The following SLC3A1 variants were observed in gnomAD, a reference collection of about 807,000 sequenced individuals.
SLC3A1 encodes solute carrier family 3 member 1, also known as amino acid transporter heavy chain SLC3A1.
Under a neutral mutation model 60.3 loss-of-function variants are expected in SLC3A1, and 78 were observed. That is an observed-to-expected ratio of 1.29 (90% CI 1.08 to 1.56). SLC3A1 has a LOEUF of 1.56. SLC3A1 is among the 40% of genes most tolerant of loss of function. The probability of loss-of-function intolerance (pLI) is 0.00; values close to 1 mark genes in which losing one functional copy is unlikely to be tolerated. For synonymous variants in SLC3A1, 392 were observed against 307.9 expected (o/e 1.27, Z -2.86); for missense variants, 1,172 against 858.9 (o/e 1.36, Z -4.56).
At chr2:44,316,847 C>G (rs1291507509) in intron 9 of SLC3A1, among the ~76,000 whole-genome samples, 5 of 152,146 alleles carry the variant, frequency 3.3e-5, no homozygotes, top group African/African-American at 1.2e-4. Context: ...TGTGTGGCCA[C>G]TTTCTGAAAG....
At chr2:44,297,389 G>C (rs565282223) in intron 4 of SLC3A1, among the ~76,000 whole-genome samples, 22 of 152,240 alleles carry the variant, frequency 1.4e-4, no homozygotes, top group African/African-American at 5.3e-4. Flanking sequence ...GTACAGGCCA[G>C]CCTCTGCCTC....
intron 6 of SLC3A1, among the ~76,000 whole-genome samples, chr2:44,302,018 G>A (rs1033408804): frequency 1.3e-5 from 2 of 152,186 alleles, no homozygotes; most frequent in African/African-American, 2.4e-5. Flanking sequence ...TCATGCCACT[G>A]TGCTCCAGTC....
intron 4 of SLC3A1, among the ~76,000 whole-genome samples, chr2:44,295,850 C>T (rs963334447): frequency 6.6e-6 from 1 of 152,206 alleles, no homozygotes; most frequent in African/African-American, 2.4e-5. Flanking sequence ...TTCAGTTATT[C>T]GTGCTCTGCC....
chr2:44,304,114 A>G, intron 6 of SLC3A1, 29 bp from the exon 7 acceptor site: 6 of 1,593,888 alleles, frequency 3.8e-6, no homozygotes, highest in Non-Finnish European at 5.2e-6. Flanking sequence ...ACAGGCCCCG[A>G]TGACACTGAA....
chr2:44,288,447 T>G (rs1185808661), intron 4 of SLC3A1, among the ~76,000 whole-genome samples: 2 of 151,874 alleles, frequency 1.3e-5, no homozygotes, highest in African/African-American at 4.8e-5. Flanking sequence ...TTTCTATCTT[T>G]TTACCCACCT....
chr2:44,311,452 A>G (rs1211733471), intron 7 of SLC3A1, among the ~76,000 whole-genome samples: 4 of 152,122 alleles, frequency 2.6e-5, no homozygotes, highest in East Asian at 3.9e-4. Flanking sequence ...ACTGTTTTGT[A>G]TATTTGTTGT....
At chr2:44,299,906 T>G (rs1671958867) in intron 4 of SLC3A1, 65 bp from the exon 5 acceptor site, 1 of 1,568,980 alleles carries the variant, frequency 6.4e-7, no homozygotes, top group Non-Finnish European at 8.8e-7. Context: ...CAGTCAAAAC[T>G]TTGATTAAAC....
chr2:44,295,443 G>C lies in SLC3A1; in HGVS notation c.892-4528G>C, dbSNP rs534283292. ...TGAGAGACCTTCATGGGAGTAAAGAGGGTTAACAATTAAAATCTGAAGCTC... is the reference window on the plus strand; with the variant it reads ...TGAGAGACCTTCATGGGAGTAAAGACGGTTAACAATTAAAATCTGAAGCTC... On this transcript the variant is annotated intron_variant, in intron 4 of 9. Coordinates refer to ENST00000260649, the MANE Select transcript of SLC3A1 (RefSeq NM_000341.4). Among the ~76,000 whole-genome samples the C allele has an allele frequency of 6.4e-4, 97 of 152,234 alleles. 1 individual carries two copies. The highest frequency in any genetic ancestry group is 2.3e-3 in the African/African-American group (96 of 41,534).
intron 1 of SLC3A1, among the ~76,000 whole-genome samples, chr2:44,279,892 ATTCT>A (rs1294428779): frequency 6.6e-6 from 1 of 151,958 alleles, no homozygotes; most frequent in African/African-American, 2.4e-5. Context: ...AGATTTTTAC[ATTCT>A]TTCTTTTTGT....
At chr2:44,290,284 T>C (rs1232166847) in intron 4 of SLC3A1, among the ~76,000 whole-genome samples, 3 of 152,242 alleles carry the variant, frequency 2.0e-5, no homozygotes, top group Non-Finnish European at 1.5e-5. Context: ...GTTCCATTCA[T>C]CTATATGTCT....
intron 1 of SLC3A1, among the ~76,000 whole-genome samples, chr2:44,279,255 C>T (rs1213446498): frequency 6.6e-6 from 1 of 152,218 alleles, no homozygotes; most frequent in African/African-American, 2.4e-5. Flanking sequence ...CTGTCTCAGC[C>T]TCCCTAAGTG....
intron 6 of SLC3A1, among the ~76,000 whole-genome samples, chr2:44,302,234 C>T (rs560405064): frequency 1.3e-5 from 2 of 152,176 alleles, no homozygotes; most frequent in East Asian, 3.9e-4. Flanking sequence ...GACCTAGGGC[C>T]AGTTAATTAA....
At chr2:44,296,285 C>T (rs1671843205) in intron 4 of SLC3A1, among the ~76,000 whole-genome samples, 1 of 152,062 alleles carries the variant, frequency 6.6e-6, no homozygotes, top group Admixed American at 6.6e-5. Context: ...TTTTGTGTTG[C>T]TATTTGTCTA....
At chr2:44,315,467 A>C (rs1672405093) in intron 9 of SLC3A1, among the ~76,000 whole-genome samples, 1 of 149,170 alleles carries the variant, frequency 6.7e-6, no homozygotes, top group African/African-American at 2.5e-5. Context: ...TAGGCAATAT[A>C]GTGAGACCTT....
chr2:44,294,528 G>C (rs1173269709), intron 4 of SLC3A1, among the ~76,000 whole-genome samples: 1 of 151,172 alleles, frequency 6.6e-6, no homozygotes, highest in Non-Finnish European at 1.5e-5. Context: ...AAATTGAAAA[G>C]TCAATTGACT....
intron 3 of SLC3A1, among the ~76,000 whole-genome samples, chr2:44,282,450 GAAGCCATC>G (rs1671522650): frequency 6.6e-6 from 1 of 151,890 alleles, no homozygotes; most frequent in Admixed American, 6.6e-5. Context: ...AGAGAAAACA[GAAGCCATC>G]AAGCCTGCCT....
chr2:44,304,947 G>A (rs1572808763), intron 7 of SLC3A1, among the ~76,000 whole-genome samples: 2 of 148,390 alleles, frequency 1.3e-5, no homozygotes, highest in Non-Finnish European at 3.0e-5. Flanking sequence ...TCAGCCTCCT[G>A]AGTAGCTGGG....
At chr2:44,299,872 T>C (rs960091692) in intron 4 of SLC3A1, 99 bp from the exon 5 acceptor site, 1 of 1,192,626 alleles carries the variant, frequency 8.4e-7, no homozygotes, top group Non-Finnish European at 1.3e-6. Context: ...TGTAGATATC[T>C]GTTTTATGAT....
intron 1 of SLC3A1, among the ~76,000 whole-genome samples, chr2:44,277,434 C>G (rs1416031690): frequency 6.6e-6 from 1 of 152,098 alleles, no homozygotes; most frequent in Non-Finnish European, 1.5e-5. Context: ...AAAAATCATC[C>G]TGCATTGTCA....
Sources: allele counts gnomAD v4.1 joint callset (sites outside exome capture counted in the v4.1 genomes callset), GRCh38; gene constraint gnomAD v4.1.1; transcripts MANE v1.5; gene names NCBI Gene and HGNC (gene_info 2026-07-23, HGNC 2026-07-21).